ZNF618: variants seen among roughly 807,000 people sequenced by gnomAD.
ZNF618 encodes zinc finger protein 618.
In ZNF618, 34 loss-of-function variants were observed where a neutral mutation model predicts 103.0. The observed-to-expected ratio is 0.33, with a 90% confidence interval of 0.25 to 0.44. The LOEUF (loss-of-function observed/expected upper bound fraction) is 0.44. ZNF618 is among the 20% of genes least tolerant of loss of function. ZNF618 has a pLI of 1.00. For missense variants in ZNF618, 1,059 were observed against 1,295.4 expected (o/e 0.82, Z 2.80); for synonymous variants, 551 against 542.2 (o/e 1.02, Z -0.23).
intron 7 of ZNF618, among the ~76,000 whole-genome samples, 193 bp downstream of exon 7, chr9:114,007,632 A>G (rs1009412896): frequency 1.4e-4 from 22 of 152,074 alleles, no homozygotes; most frequent in African/African-American, 4.8e-4. Flanking sequence ...CTCCACATAC[A>G]CTTCTATTTA....
intron 1 of ZNF618, among the ~76,000 whole-genome samples, chr9:113,927,584 C>T (rs1023674946): frequency 1.3e-5 from 2 of 152,144 alleles, no homozygotes; most frequent in African/African-American, 4.8e-5. Flanking sequence ...TCTTTAACCC[C>T]TTAGGTGAGA....
At chr9:113,972,332 A>G (rs779181802) in intron 2 of ZNF618, among the ~76,000 whole-genome samples, 12 of 152,230 alleles carry the variant, frequency 7.9e-5, no homozygotes, top group Non-Finnish European at 1.5e-4. Context: ...TACAGATAGG[A>G]GCCACCATGC....
Position 114,022,067 on chromosome 9 carries a change from C to G in ZNF618, c.844+5283C>G, listed in dbSNP as rs189686015. Among the ~76,000 whole-genome samples, 236 of 152,144 alleles carry G rather than the reference C, an allele frequency of 1.6e-3. 3 individuals are homozygous for G. Among genetic ancestry groups the G allele is most frequent in the Non-Finnish European group, 2.7e-3 (183 of 67,942 alleles). On this transcript the variant is annotated intron_variant, in intron 10 of 14. Coordinates refer to ENST00000374126, the MANE Select transcript of ZNF618 (RefSeq NM_001318042.2). ...TAAAGCAGTTATGAACATTTGTGTA[C>G]AAGCCTTTGTAAGGAAAAATGCTTT... is the stretch of plus-strand genomic sequence containing the variant.
chr9:113,985,733 GCT>G (rs1359826031), intron 2 of ZNF618, among the ~76,000 whole-genome samples: 16 of 152,286 alleles, frequency 1.1e-4, no homozygotes, highest in African/African-American at 3.4e-4. Flanking sequence ...CCCAGTCCAG[GCT>G]GCCTGCATCA....
At chr9:113,884,604 C>T (rs1828872133) in intron 1 of ZNF618, among the ~76,000 whole-genome samples, 1 of 152,154 alleles carries the variant, frequency 6.6e-6, no homozygotes. Flanking sequence ...GTAGTCCTTT[C>T]CATTGAGTAT....
chr9:113,984,596 A>G (rs1839283445), intron 2 of ZNF618, among the ~76,000 whole-genome samples: 1 of 152,150 alleles, frequency 6.6e-6, no homozygotes, highest in Non-Finnish European at 1.5e-5. Flanking sequence ...GGGACACTGA[A>G]TCTTTTCAGG....
At chr9:113,906,969 G>C (rs2131360371) in intron 1 of ZNF618, among the ~76,000 whole-genome samples, 1 of 152,350 alleles carries the variant, frequency 6.6e-6, no homozygotes, top group South Asian at 2.1e-4. Flanking sequence ...CCCTCTCCAA[G>C]TGGTGGCAGA....
intron 3 of ZNF618, among the ~76,000 whole-genome samples, chr9:113,991,221 G>C (rs563955812): frequency 1.3e-5 from 2 of 152,366 alleles, no homozygotes; most frequent in East Asian, 3.9e-4. Flanking sequence ...CAGCTGAGCT[G>C]CTGCTCAGCA....
rs536241276 is a variant in ZNF618, at chr9:113,961,877, CA to C, written c.34-7239del. 4.5e-4 allele frequency among the ~76,000 whole-genome samples: 68 copies of C among 152,324 alleles called. 2 individuals carry two copies. The South Asian group carries it at 0.014, about 32-fold the overall frequency. ...GGAGCTCTGTAGCTAGACAGAAAAA[CA>C]GTTCATCCATATGGTTTGGGGCTAA... On this transcript the variant is annotated intron_variant, in intron 1 of 14. Coordinates refer to ENST00000374126, the MANE Select transcript of ZNF618 (RefSeq NM_001318042.2).
rs1259473319 is a variant in ZNF618 at position 114,040,690 on chromosome 9, A to G, written c.1246+4313A>G. On this transcript the variant is annotated intron_variant, in intron 13 of 14. Coordinates refer to ENST00000374126, the MANE Select transcript of ZNF618 (RefSeq NM_001318042.2). ...CTTTTTTATGGCTGCATAGTATTCC[A>G]TGGTGTATATGTGCCACATTTTCTT... 2.6e-5 allele frequency among the ~76,000 whole-genome samples: 4 copies of G among 152,306 alleles called. No homozygotes were observed. The East Asian group carries it at 7.7e-4, about 29-fold the overall frequency.
intron 1 of ZNF618, among the ~76,000 whole-genome samples, chr9:113,961,277 T>G (rs1256283895): frequency 6.6e-6 from 1 of 152,220 alleles, no homozygotes; most frequent in African/African-American, 2.4e-5. Context: ...ATTGAAGCCA[T>G]TAAGTCATCA....
intron 1 of ZNF618, among the ~76,000 whole-genome samples, chr9:113,879,782 GT>G (rs796540505): frequency 2.6e-3 from 356 of 139,130 alleles, no homozygotes; most frequent in South Asian, 9.2e-3. Context: ...GCCTAAGGAG[GT>G]TTTTTTTTTT....
intron 1 of ZNF618, among the ~76,000 whole-genome samples, chr9:113,925,543 C>T (rs1833017101): frequency 6.6e-6 from 1 of 151,560 alleles, no homozygotes; most frequent in African/African-American, 2.4e-5. Context: ...AATATTACCA[C>T]ATTTATAATT....
intron 4 of ZNF618, 69 bp from the exon 5 acceptor site, chr9:114,001,927 G>A: frequency 5.9e-6 from 8 of 1,354,890 alleles, no homozygotes; most frequent in Admixed American, 5.0e-5. Flanking sequence ...TGTAGGCATC[G>A]CCTGTGGGTC....
chr9:113,991,979 G>A (rs1016321975), intron 3 of ZNF618, among the ~76,000 whole-genome samples: 3 of 152,194 alleles, frequency 2.0e-5, no homozygotes, highest in African/African-American at 7.2e-5. Context: ...CCTAGGGATG[G>A]GGGTTTTCTT....
At chr9:114,036,449 G>C in intron 13 of ZNF618, 72 bp downstream of exon 13, 1 of 1,463,594 alleles carries the variant, frequency 6.8e-7, no homozygotes, top group Non-Finnish European at 9.4e-7. Context: ...GTTAGGGCCT[G>C]ACCTGAGGCC....
intron 1 of ZNF618, among the ~76,000 whole-genome samples, chr9:113,896,576 T>C (rs1830059367): frequency 6.6e-6 from 1 of 152,046 alleles, no homozygotes; most frequent in African/African-American, 2.4e-5. Flanking sequence ...GGATTTATTT[T>C]TTGCTTGTAT....
In ZNF618 at chr9:113,904,079, T is replaced by C. The variant is rs559022865; in HGVS notation, c.33+27666T>C. Among the ~76,000 whole-genome samples the C allele has an allele frequency of 4.0e-5, 6 of 150,490 alleles. No homozygotes were observed. In the South Asian group the frequency reaches 1.3e-3, roughly 33 times the overall value. Reference sequence around the variant, plus strand: ...CCTTTTGAATCTGTCCCATAGCTCATTGATGCCCTATTTTTTCCATCTTTT... The same window carrying C: ...CCTTTTGAATCTGTCCCATAGCTCACTGATGCCCTATTTTTTCCATCTTTT... On this transcript the variant is annotated intron_variant, in intron 1 of 14. Transcript: ENST00000374126.
intron 1 of ZNF618, among the ~76,000 whole-genome samples, chr9:113,898,869 TG>T (rs1313343681): frequency 6.6e-6 from 1 of 152,242 alleles, no homozygotes; most frequent in African/African-American, 2.4e-5. Context: ...CAGTGGTTTA[TG>T]CTCAAGATTC....
Sources: allele counts gnomAD v4.1 joint callset (sites outside exome capture counted in the v4.1 genomes callset), GRCh38; gene constraint gnomAD v4.1.1; transcripts MANE v1.5; gene names NCBI Gene and HGNC (gene_info 2026-07-23, HGNC 2026-07-21).